The following GNA14 variants were observed in gnomAD, a reference collection of about 807,000 sequenced individuals.
GNA14 encodes the protein guanine nucleotide-binding protein subunit alpha-14.
Under a neutral mutation model 42.0 loss-of-function variants are expected in GNA14, and 50 were observed. That is an observed-to-expected ratio of 1.19 (90% CI 0.95 to 1.51). The LOEUF (loss-of-function observed/expected upper bound fraction) is 1.51, where lower values mean the gene tolerates loss of function less well. GNA14 is among the 40% of genes most tolerant of loss of function. GNA14 has a pLI of 0.00. For synonymous variants in GNA14, 173 were observed against 163.1 expected, an observed-to-expected ratio of 1.06 and a Z score of -0.46; for missense variants, 473 against 446.2, an observed-to-expected ratio of 1.06 and a Z score of -0.54.
intron 1 of GNA14, among the ~76,000 whole-genome samples, chr9:77,551,725 GAGTT>G (rs1288797982): frequency 6.6e-6 from 1 of 151,648 alleles, no homozygotes; most frequent in Admixed American, 6.6e-5. Flanking sequence ...ATAAGAAAAA[GAGTT>G]AGGGCCATGT....
intron 5 of GNA14, among the ~76,000 whole-genome samples, chr9:77,426,625 C>T (rs947494523): frequency 2.0e-5 from 3 of 152,194 alleles, no homozygotes; most frequent in African/African-American, 7.2e-5. Flanking sequence ...ATTCAAATAA[C>T]TTTCCCAAGC....
chr9:77,590,178 A>T (rs1823369760), intron 1 of GNA14, among the ~76,000 whole-genome samples: 1 of 152,092 alleles, frequency 6.6e-6, no homozygotes, highest in Non-Finnish European at 1.5e-5. Context: ...CGGCCTCCCA[A>T]AGTGCTGGGA....
chr9:77,437,227 C>T (rs183960824), intron 2 of GNA14, among the ~76,000 whole-genome samples: 2 of 152,272 alleles, frequency 1.3e-5, no homozygotes, highest in East Asian at 1.9e-4. Flanking sequence ...GAAATGTGAG[C>T]GGAAATCACT....
chr9:77,626,876 G>C lies in GNA14; in HGVS notation c.124+20794C>G, dbSNP rs556966411. On this transcript the variant is annotated intron_variant, in intron 1 of 6. Coordinates refer to ENST00000341700, the MANE Select transcript of GNA14 (RefSeq NM_004297.4). ...AAAAGCTAGCAGAAGACAAGAAACA[G>C]CTAAGATCAGAGCAGAACTGAAGAA... 1.2e-4 allele frequency among the ~76,000 whole-genome samples: 18 copies of C among 152,086 alleles called. 1 individual carries two copies. In the South Asian group the frequency reaches 3.5e-3, roughly 30 times the overall value.
At chr9:77,620,259 CTG>C (rs1370797785) in intron 1 of GNA14, among the ~76,000 whole-genome samples, 1 of 152,190 alleles carries the variant, frequency 6.6e-6, no homozygotes, top group Non-Finnish European at 1.5e-5. Flanking sequence ...CTCTGTGACT[CTG>C]TGACTTGTTG....
chr9:77,636,574 G>A (rs1258154389), intron 1 of GNA14, among the ~76,000 whole-genome samples: 1 of 152,144 alleles, frequency 6.6e-6, no homozygotes, highest in Non-Finnish European at 1.5e-5. Context: ...TCTGATGAGG[G>A]CCTTGGGCTG....
In GNA14 at chr9:77,601,765, C is replaced by A. The variant is rs556649081; in HGVS notation, c.124+45905G>T. Among the ~76,000 whole-genome samples, 643 of 152,346 alleles carry A rather than the reference C, an allele frequency of 4.2e-3. 23 individuals carry two copies. The East Asian group carries it at 0.081, about 19-fold the overall frequency. On this transcript the variant is annotated intron_variant, in intron 1 of 6. Coordinates refer to ENST00000341700, the MANE Select transcript of GNA14 (RefSeq NM_004297.4). ...GGTCCCGGGCAGTGGGCAGTCCCAT[C>A]TGACGGAAGCCCACTGGTGCCGGGC...
Position 77,445,162 on chromosome 9 carries a change from A to C in GNA14, c.310-10640T>G, listed in dbSNP as rs529383038. On this transcript the variant is annotated intron_variant, in intron 2 of 6. Transcript: ENST00000341700. ...GGCTACATCTTCCCTTTTCGCTGCCACGAACATGGCTTCCTGCCTGTGCTT... is the reference window on the plus strand; with the variant it reads ...GGCTACATCTTCCCTTTTCGCTGCCCCGAACATGGCTTCCTGCCTGTGCTT... Among the ~76,000 whole-genome samples, 4 of 152,316 alleles carry C rather than the reference A, an allele frequency of 2.6e-5. No individual in the cohort carries two copies. In the East Asian group the frequency reaches 5.8e-4, roughly 22 times the overall value.
chr9:77,539,173 G>A (rs548402793), intron 1 of GNA14, among the ~76,000 whole-genome samples: 1 of 152,174 alleles, frequency 6.6e-6, no homozygotes, highest in East Asian at 1.9e-4. Flanking sequence ...TTCAAGGTAT[G>A]TATGTTCCTT....
intron 1 of GNA14, among the ~76,000 whole-genome samples, chr9:77,629,718 G>A (rs74893738): frequency 4.1e-4 from 63 of 152,210 alleles, no homozygotes; most frequent in African/African-American, 1.4e-3. Flanking sequence ...ATCACATACC[G>A]GGTTCTGTCA....
chr9:77,536,044 C>T (rs1478082592), intron 1 of GNA14, among the ~76,000 whole-genome samples: 1 of 152,128 alleles, frequency 6.6e-6, no homozygotes, highest in Non-Finnish European at 1.5e-5. Flanking sequence ...TTCTGTCCAG[C>T]CCCTACATCA....
rs7032588 is a variant in GNA14 at position 77,457,024 on chromosome 9, G to A, written c.310-22502C>T. On this transcript the variant is annotated intron_variant, in intron 2 of 6. Transcript: ENST00000341700. ...GATTCACTGTGACTCACGACGCCACGTAGTGGCAGCTTCCACAATTGCAAG... is the reference window on the plus strand; with the variant it reads ...GATTCACTGTGACTCACGACGCCACATAGTGGCAGCTTCCACAATTGCAAG... 2.9e-3 allele frequency among the ~76,000 whole-genome samples: 439 copies of A among 152,336 alleles called. 4 individuals carry two copies. The highest frequency in any genetic ancestry group is 0.01 in the African/African-American group (416 of 41,570).
intron 1 of GNA14, among the ~76,000 whole-genome samples, chr9:77,573,644 G>A (rs11145487): frequency 0.32 from 48,453 of 151,952 alleles, 9,647 homozygotes; most frequent in Admixed American, 0.47. Context: ...ACACTGAGGG[G>A]AAATCTTGCA....
chr9:77,533,770 G>T (rs1837560531), intron 1 of GNA14, among the ~76,000 whole-genome samples: 1 of 152,090 alleles, frequency 6.6e-6, no homozygotes, highest in South Asian at 2.1e-4. Context: ...TTCCAGGGCG[G>T]ACACTCAATT....
intron 1 of GNA14, among the ~76,000 whole-genome samples, chr9:77,581,002 G>GCGCA (rs1554700655): frequency 3.5e-5 from 5 of 144,280 alleles, no homozygotes; most frequent in African/African-American, 1.0e-4. Context: ...TACAATAAAG[G>GCGCA]CACACACACA....
chr9:77,525,532 GGTTT>G (rs1009081603), intron 2 of GNA14, among the ~76,000 whole-genome samples: 13 of 151,290 alleles, frequency 8.6e-5, no homozygotes, highest in Non-Finnish European at 1.9e-4. Flanking sequence ...GCCCAGGGAT[GGTTT>G]GTTCTTTTTT....
chr9:77,600,849 G>A (rs974001268), intron 1 of GNA14, among the ~76,000 whole-genome samples: 8 of 152,234 alleles, frequency 5.3e-5, no homozygotes, highest in African/African-American at 1.9e-4. Flanking sequence ...AACCCGGGAG[G>A]CGGAGGTTGC....
chr9:77,563,948 T>C (rs749028333), intron 1 of GNA14, among the ~76,000 whole-genome samples: 4 of 152,184 alleles, frequency 2.6e-5, no homozygotes, highest in East Asian at 1.9e-4. Flanking sequence ...TAAAGTTGGA[T>C]GGCAATGGAT....
At chr9:77,600,963 G>T (rs1356016578) in intron 1 of GNA14, among the ~76,000 whole-genome samples, 3 of 152,178 alleles carry the variant, frequency 2.0e-5, no homozygotes, top group African/African-American at 7.2e-5. Flanking sequence ...TGAAGAAAAT[G>T]ATAGACACAG....
Sources: allele counts gnomAD v4.1 joint callset (sites outside exome capture counted in the v4.1 genomes callset), GRCh38; gene constraint gnomAD v4.1.1; transcripts MANE v1.5; gene names NCBI Gene and HGNC (gene_info 2026-07-23, HGNC 2026-07-21).